FERMT1: variants seen among roughly 807,000 people sequenced by gnomAD.
The protein encoded by FERMT1 is fermitin family homolog 1.
In FERMT1, 60 loss-of-function variants were observed where a neutral mutation model predicts 85.3. That is an observed-to-expected ratio of 0.70 (90% CI 0.57 to 0.87). FERMT1 has a LOEUF of 0.87. FERMT1 is among the 40% of genes least tolerant of loss of function. The pLI, the probability that FERMT1 is intolerant of heterozygous loss-of-function variation, is 0.00. For missense variants in FERMT1, 701 were observed against 818.9 expected, an observed-to-expected ratio of 0.86 and a Z score of 1.76; for synonymous variants, 275 against 301.1, an observed-to-expected ratio of 0.91 and a Z score of 0.90.
chr20:6,085,096 T>C lies in FERMT1; in HGVS notation c.1563A>G (p.Pro521=). 1 of 1,614,144 alleles carries C rather than the reference T, an allele frequency of 6.2e-7. No homozygotes were observed. Among genetic ancestry groups the C allele is most frequent in the Non-Finnish European group, 8.5e-7 (1 of 1,179,974 alleles). ...TGGATTTGTGTCTTTTTGCACACCG[T>C]GGTGACACAAAACATTCTGGGTTCA... The part of the protein sequence containing the change: ...MDMNPECFVS[P]RCAKRHKSKQ... The change falls in exon 12 of 15, where the codon CCA becomes CCG. Residue 521 remains proline, a synonymous_variant. Coordinates refer to ENST00000217289, the MANE Select transcript of FERMT1 (RefSeq NM_017671.5).
chr20:6,093,723 A>T (rs553481693), intron 9 of FERMT1, among the ~76,000 whole-genome samples: 26 of 152,302 alleles, frequency 1.7e-4, no homozygotes, highest in African/African-American at 6.0e-4. Context: ...TTGGGAGGCC[A>T]AGGCAGGCGG....
In FERMT1 at chr20:6,110,503, C is replaced by T. The variant is rs867910702; in HGVS notation, c.541G>A (p.Gly181Ser). ...PTASGSSVSP[G>S]LYSKTMTPIY... ...GGGGTCATGGTTTTACTGTATAAACCAGGACTTACTGCAAGGCAGGGGGAT... is the reference window on the plus strand; with the variant it reads ...GGGGTCATGGTTTTACTGTATAAACTAGGACTTACTGCAAGGCAGGGGGAT... The change falls in exon 5 of 15, where the codon GGT becomes AGT. Residue 181 changes from glycine (G) to serine (S), a missense_variant. Physicochemically the swap from Gly to Ser is moderately conservative, Grantham distance 56. Coordinates refer to ENST00000217289, the MANE Select transcript of FERMT1 (RefSeq NM_017671.5). 1 of 1,613,758 alleles carries T rather than the reference C, an allele frequency of 6.2e-7. No homozygotes were observed. Among genetic ancestry groups the T allele is most frequent in the Non-Finnish European group, 8.5e-7 (1 of 1,179,712 alleles).
intron 7 of FERMT1, 149 bp downstream of exon 7, chr20:6,097,375 A>G (rs1982535370): frequency 1.4e-6 from 1 of 701,114 alleles, no homozygotes; most frequent in South Asian, 1.7e-5. Context: ...AGAAGAAAGC[A>G]AAATAAAAAA....
At chr20:6,085,365 T>C in intron 11 of FERMT1, 78 bp from the exon 12 acceptor site, 1 of 1,299,802 alleles carries the variant, frequency 7.7e-7, no homozygotes, top group Non-Finnish European at 1.1e-6. Context: ...TTGGGCTTTC[T>C]ACCCCATTAC....
At chr20:6,112,829 G>T (rs1982992956) in intron 3 of FERMT1, among the ~76,000 whole-genome samples, 1 of 152,154 alleles carries the variant, frequency 6.6e-6, no homozygotes, top group African/African-American at 2.4e-5. Context: ...GGTGGAGGGA[G>T]ATTCAGTCTA....
At chr20:6,083,674 C>G (rs1171727465) in intron 13 of FERMT1, among the ~76,000 whole-genome samples, 1 of 147,248 alleles carries the variant, frequency 6.8e-6, no homozygotes, top group Admixed American at 6.8e-5. Flanking sequence ...CCCGGCCACC[C>G]TCCCCACACC....
rs1182887353 is a variant in FERMT1 at position 6,076,219 on chromosome 20, A to G, written c.*954T>C. ...CCAGTGGGGAGCTGTCAGACCTTGG[A>G]CATGGTGGTCTTTGAGAATGGGTCT... is the stretch of plus-strand genomic sequence containing the variant. On this transcript the variant is annotated 3_prime_UTR_variant, in exon 15 of 15. Coordinates refer to ENST00000217289, the MANE Select transcript of FERMT1 (RefSeq NM_017671.5). 3 of 317,148 alleles carry G rather than the reference A, an allele frequency of 9.5e-6. No homozygotes were observed. The highest frequency in any genetic ancestry group is 6.6e-5 in the African/African-American group (3 of 45,756). The allele number at this position is 317,148 out of a possible 1,614,324, so 19.6% of individuals were successfully genotyped here.
chr20:6,093,543 C>T (rs1417686649), intron 9 of FERMT1, among the ~76,000 whole-genome samples: 4 of 152,160 alleles, frequency 2.6e-5, no homozygotes, highest in African/African-American at 7.2e-5. Context: ...TTTTGTGGAA[C>T]AATTATGAAT....
chr20:6,095,068 C>CAAGGGACTGCCATATT, intron 8 of FERMT1, 80 bp from the exon 9 acceptor site: 1 of 792,018 alleles, frequency 1.3e-6, no homozygotes, highest in Non-Finnish European at 2.3e-6. Context: ...TCTAATATGG[C>CAAGGGACTGCCATATT]AGTCCCTTGC....
chr20:6,110,616 T>C (rs1052912360), intron 4 of FERMT1, 105 bp from the exon 5 acceptor site: 15 of 937,372 alleles, frequency 1.6e-5, no homozygotes, highest in Non-Finnish European at 1.9e-5. Context: ...GACTTTAAAT[T>C]TGGCACCATT....
In FERMT1 at chr20:6,097,031, G is replaced by A. The variant is rs765619931; in HGVS notation, c.960C>T (p.Tyr320=). 1 of 1,613,394 alleles carries A rather than the reference G, an allele frequency of 6.2e-7. No homozygotes were observed. Among genetic ancestry groups the A allele is most frequent in the Non-Finnish European group, 8.5e-7 (1 of 1,179,516 alleles). The change falls in exon 8 of 15, where the codon TAC becomes TAT. Residue 320 remains tyrosine (Y), a splice_region_variant and synonymous_variant. Transcript: ENST00000217289. The part of the protein sequence containing the change: ...EEMLIFAALQ[Y]HISKLSLSAE... ...CAGACAACGACAGTTTGCTAATGTG[G>A]TACTAAAATGAAAACAGACGTTTTA... is the stretch of plus-strand genomic sequence containing the variant.
At chr20:6,091,232 T>A (rs747074101) in intron 9 of FERMT1, among the ~76,000 whole-genome samples, 32 of 151,778 alleles carry the variant, frequency 2.1e-4, no homozygotes, top group Non-Finnish European at 4.3e-4. Context: ...CAGTTCTTTT[T>A]TTTGTTTTGT....
chr20:6,077,734 A>G (rs138428821), intron 14 of FERMT1, among the ~76,000 whole-genome samples: 3,939 of 151,820 alleles, frequency 0.026, 92 homozygotes, highest in South Asian at 0.057. Flanking sequence ...AGGCTGGGGT[A>G]CAGTGGCACG....
At chr20:6,087,928 GT>G in intron 10 of FERMT1, 45 bp from the exon 11 acceptor site, 1 of 1,043,038 alleles carries the variant, frequency 9.6e-7, no homozygotes. Flanking sequence ...TGAGGCATCT[GT>G]TAGATAAACA....
At chr20:6,112,969 C>T (rs577657016) in intron 3 of FERMT1, among the ~76,000 whole-genome samples, 25 of 152,304 alleles carry the variant, frequency 1.6e-4, no homozygotes, top group Non-Finnish European at 3.2e-4. Context: ...ATTCTTGTTA[C>T]CTATTTACCA....
At chr20:6,096,800 T>G (rs2123117916) in intron 8 of FERMT1, 102 bp downstream of exon 8, 1 of 1,026,964 alleles carries the variant, frequency 9.7e-7, no homozygotes, top group African/African-American at 1.6e-5. Context: ...TTTTTTTTTT[T>G]TCAAAATCAG....
intron 1 of FERMT1, 61 bp from the exon 2 acceptor site, chr20:6,119,633 G>T: frequency 1.4e-6 from 2 of 1,403,922 alleles, no homozygotes; most frequent in Non-Finnish European, 2.0e-6. Flanking sequence ...CTTGTCAGTA[G>T]ACTTGCAGAG....
intron 6 of FERMT1, among the ~76,000 whole-genome samples, chr20:6,099,738 C>A (rs79889454): frequency 0.3 from 44,923 of 150,570 alleles, 7,025 homozygotes; most frequent in East Asian, 0.55. Flanking sequence ...GCTCTTGTCA[C>A]TAGTCCCAGC....
chr20:6,099,031 C>T lies in FERMT1; in HGVS notation c.850-1400G>A, dbSNP rs186966062. Among the ~76,000 whole-genome samples the T allele has an allele frequency of 6.0e-4, 91 of 152,214 alleles. 1 individual carries two copies. Among genetic ancestry groups the T allele is most frequent in the African/African-American group, 2.1e-3 (86 of 41,528 alleles). On this transcript the variant is annotated intron_variant, in intron 6 of 14. Transcript: ENST00000217289. ...TTTACAGCAGCAATATTCATAATAG[C>T]CAAAAGGTAGAAACAGCAGAATGGA...
Sources: gnomAD v4.1 joint callset for allele counts (sites outside exome capture counted in the v4.1 genomes callset) on GRCh38, gnomAD v4.1.1 for gene constraint, MANE v1.5 for transcripts, NCBI Gene and HGNC (gene_info 2026-07-23, HGNC 2026-07-21) for gene names.